Variants in WNT9B observed in about 807,000 individuals in gnomAD.
WNT9B encodes protein Wnt-9b.
Under a neutral mutation model 30.2 loss-of-function variants are expected in WNT9B, and 12 were observed. The observed-to-expected ratio is 0.40, with a 90% CI of 0.26 to 0.64. The LOEUF (loss-of-function observed/expected upper bound fraction) is 0.64. Ranked by LOEUF, WNT9B falls within the 30% of genes least tolerant of loss-of-function variation. The pLI is 0.42. For synonymous variants in WNT9B, 218 were observed against 216.9 expected (o/e 1.01, Z -0.05); for missense variants, 442 against 485.2 (o/e 0.91, Z 0.84).
chr17:46,878,220 G>A lies in WNT9B; in HGVS notation c.*1502G>A, dbSNP rs1316966071. 6.6e-6 allele frequency among the ~76,000 whole-genome samples: 1 copy of A among 152,260 alleles called. No homozygotes were observed. Among genetic ancestry groups the A allele is most frequent in the Non-Finnish European group, 1.5e-5 (1 of 68,040 alleles). On this transcript the variant is annotated 3_prime_UTR_variant, in exon 4 of 4. Coordinates refer to ENST00000290015, the MANE Select transcript of WNT9B (RefSeq NM_003396.3). ...AGCCCTTGGCCACTTTGCTGGCCCT[G>A]CCACGCCCATCTGTCAGCTTCCTTT...
intron 1 of WNT9B, among the ~76,000 whole-genome samples, chr17:46,867,444 C>T (rs2085158174): frequency 6.6e-6 from 1 of 152,218 alleles, no homozygotes; most frequent in African/African-American, 2.4e-5. Flanking sequence ...GGTGAGGGGA[C>T]AACCCTGAGG....
chr17:46,866,212 T>G (rs1170937591), intron 1 of WNT9B, among the ~76,000 whole-genome samples: 1 of 152,080 alleles, frequency 6.6e-6, no homozygotes, highest in African/African-American at 2.4e-5. Flanking sequence ...GGAGTTGGTG[T>G]TGAGCAGCCA....
chr17:46,853,484 G>T (rs2146546685), intron 1 of WNT9B, among the ~76,000 whole-genome samples: 1 of 147,054 alleles, frequency 6.8e-6, no homozygotes, highest in Non-Finnish European at 1.5e-5. Context: ...CGATTCTCCT[G>T]CCTCAGCCTC....
chr17:46,860,256 G>A (rs1343249398), intron 1 of WNT9B, among the ~76,000 whole-genome samples: 1 of 152,152 alleles, frequency 6.6e-6, no homozygotes, highest in Non-Finnish European at 1.5e-5. Flanking sequence ...AGGGAAGCGG[G>A]GCCGGCAGAC....
At position 46,876,603 on chromosome 17, in the gene WNT9B, A is replaced by G. The variant is rs1457871744; in HGVS notation, c.959A>G (p.Tyr320Cys). The G allele has an allele frequency of 8.7e-6, 14 of 1,612,902 alleles. No individual in the cohort carries two copies. The highest frequency in any genetic ancestry group is 2.2e-5 in the South Asian group (2 of 91,046). The change falls in exon 4 of 4, where the codon TAT (tyrosine) becomes TGT (cysteine). Residue 320 changes from tyrosine to cysteine, a missense_variant. By Grantham distance (194) the Tyr-to-Cys change is radical. Transcript: ENST00000290015. ...SCSSLCCGRG[Y>C]DTQSRLVAFS... is the part of the protein sequence containing the mutation. ...AGCAGCCTGTGCTGCGGGCGGGGCT[A>G]TGACACCCAGAGCCGCCTGGTGGCC... is the stretch of plus-strand genomic sequence containing the variant.
rs1009345667 is a variant in WNT9B, at chr17:46,872,791, G to C, written c.334+18G>C. On this transcript the variant is annotated intron_variant, in intron 2 of 3. Transcript: ENST00000290015. ...CAAGAGAGGTGGGGAGGAGGGCTAG[G>C]GGACGGGGAGGGCTGGGGGAAGAAG... is the stretch of plus-strand genomic sequence containing the variant. 13 of 1,427,922 alleles carry C rather than the reference G, an allele frequency of 9.1e-6. No homozygotes were observed. Among genetic ancestry groups the C allele is most frequent in the Non-Finnish European group, 1.3e-5 (13 of 1,022,032 alleles). 88.5% of individuals were successfully genotyped at this position (1,427,922 alleles called of 1,614,324 possible).
In WNT9B at chr17:46,846,140, A is replaced by G. The variant is rs879631058; in HGVS notation, c.95+12700A>G. Among the ~76,000 whole-genome samples, 5 of 152,162 alleles carry G rather than the reference A, an allele frequency of 3.3e-5. No individual in the cohort carries two copies. In the South Asian group the frequency reaches 6.2e-4, roughly 19 times the overall value. ...CCTCCAGGTCACTACTTACTTACCT[A>G]TAACTACTAGACAGAACTGGACTGC... On this transcript the variant is annotated intron_variant, in intron 1 of 2. Transcript: ENST00000575372.
In WNT9B at chr17:46,875,303, CAAG is replaced by C; in HGVS notation, c.539_541del (p.Lys180del). Reference sequence around the variant, plus strand: ...AGTTTCTGAGCAACTTCCTGGGGTCCAAGAGAGGAAACAAGGACCTGCGGGCAC... The same window carrying C: ...AGTTTCTGAGCAACTTCCTGGGGTCCAGAGGAAACAAGGACCTGCGGGCAC... On this transcript the variant is annotated inframe_deletion, in exon 3 of 4. Transcript: ENST00000290015. The C allele has an allele frequency of 6.2e-7, 1 of 1,613,902 alleles. No homozygotes were observed. The highest frequency in any genetic ancestry group is 8.5e-7 in the Non-Finnish European group (1 of 1,179,838).
At chr17:46,867,715 G>C (rs1232310707) in intron 1 of WNT9B, among the ~76,000 whole-genome samples, 1 of 141,486 alleles carries the variant, frequency 7.1e-6, no homozygotes, top group Non-Finnish European at 1.5e-5. Context: ...GTGTTGGAGA[G>C]TGTGAAAGGA....
intron 1 of WNT9B, among the ~76,000 whole-genome samples, chr17:46,852,519 C>T (rs1020691027): frequency 6.6e-6 from 1 of 150,448 alleles, no homozygotes; most frequent in African/African-American, 2.5e-5. Flanking sequence ...GGGAGAGAGC[C>T]GGACAGGAAC....
chr17:46,886,556 G>A (rs899345948), exon 5 of WNT9B: 1 of 152,060 alleles, frequency 6.6e-6, no homozygotes, highest in East Asian at 1.9e-4. Context: ...AATGTAGGTG[G>A]CCAGGTGATT....
chr17:46,845,893 C>T (rs2084771397), intron 1 of WNT9B, among the ~76,000 whole-genome samples: 2 of 149,122 alleles, frequency 1.3e-5, no homozygotes, highest in South Asian at 2.1e-4. Flanking sequence ...TGAGTTCAAG[C>T]GATTCTCCTG....
chr17:46,847,973 T>TGTGG, upstream of WNT9B, among the ~76,000 whole-genome samples: 1 of 111,814 alleles, frequency 8.9e-6, no homozygotes, highest in East Asian at 3.5e-4. Flanking sequence ...CCAAAGTGTG[T>TGTGG]GTGTGTGTGT....
At chr17:46,833,266 C>T (rs1284525130) in exon 1 of WNT9B, 2 of 461,484 alleles carry the variant, frequency 4.3e-6, no homozygotes, top group South Asian at 1.6e-5. Flanking sequence ...GCTGAGCTCC[C>T]TGGGTGATGG....
At chr17:46,864,231 C>T (rs142186176) in intron 1 of WNT9B, among the ~76,000 whole-genome samples, 103 of 152,306 alleles carry the variant, frequency 6.8e-4, no homozygotes, top group African/African-American at 2.4e-3. Flanking sequence ...CAGCCAGAGT[C>T]ACCCAGTACC....
downstream of WNT9B, among the ~76,000 whole-genome samples, chr17:46,881,021 C>A (rs181264231): frequency 6.6e-6 from 1 of 152,340 alleles, no homozygotes; most frequent in Non-Finnish European, 1.5e-5. Flanking sequence ...CATTTACACA[C>A]GAATCCTGTG....
At chr17:46,839,978 CTTCT>C (rs1031372799) in intron 1 of WNT9B, among the ~76,000 whole-genome samples, 3 of 76,428 alleles carry the variant, frequency 3.9e-5, no homozygotes, top group Non-Finnish European at 8.3e-5. Context: ...CTTTCTTTCT[CTTCT>C]TTCTTTCTTT....
chr17:46,862,999 G>T (rs1378149566), intron 1 of WNT9B, among the ~76,000 whole-genome samples: 1 of 152,246 alleles, frequency 6.6e-6, no homozygotes. Flanking sequence ...GAGGGAACGG[G>T]CCTGGCTCTC....
chr17:46,872,910 C>T (rs2085275849), intron 2 of WNT9B, 137 bp downstream of exon 2: 1 of 1,104,212 alleles, frequency 9.1e-7, no homozygotes, highest in Admixed American at 3.1e-5. Flanking sequence ...TAGCACGGTC[C>T]CAAATGAGAA....
Sources: gnomAD v4.1 joint callset for allele counts (sites outside exome capture counted in the v4.1 genomes callset) on GRCh38, gnomAD v4.1.1 for gene constraint, MANE v1.5 for transcripts, NCBI Gene and HGNC (gene_info 2026-07-23, HGNC 2026-07-21) for gene names.